Variants in PFKFB1 observed in about 807,000 individuals in gnomAD.
PFKFB1 encodes the protein 6-phosphofructo-2-kinase/fructose-2,6-biphosphatase 1, also known as 6-phosphofructo-2-kinase/fructose-2,6-bisphosphatase 1.
Under a neutral mutation model 46.4 loss-of-function variants are expected in PFKFB1, and 34 were observed. The observed-to-expected ratio is 0.73, with a 90% CI of 0.56 to 0.98. The LOEUF (loss-of-function observed/expected upper bound fraction) is 0.98, where lower values mean the gene tolerates loss of function less well. Among genes scored for constraint, PFKFB1 ranks in the 50% least tolerant of loss-of-function variants. The probability of loss-of-function intolerance (pLI) is 0.00; values close to 1 mark genes in which losing one functional copy is unlikely to be tolerated. For synonymous variants in PFKFB1, 119 were observed against 133.8 expected, an observed-to-expected ratio of 0.89 and a Z score of 0.76; for missense variants, 393 against 376.3, an observed-to-expected ratio of 1.04 and a Z score of -0.37.
At position 54,959,885 on chromosome X, in the gene PFKFB1, G is replaced by C; in HGVS notation, c.326C>G (p.Ala109Gly). ...GTGAACATCCTTCAGGGCTGCCAGG[G>C]CGCACTGCCTGAAATAGACCAGGAA... Reference protein sequence around the residue: ...MEALQIRKQCALAALKDVHNY... With the variant: ...MEALQIRKQCGLAALKDVHNY... Residue 109 changes from alanine (A) to glycine (G), a missense_variant, in exon 4 of 14, where the codon GCC becomes GGC. Ala to Gly is a moderately conservative substitution (Grantham distance 60, BLOSUM62 0). Transcript: ENST00000375006. The C allele has an allele frequency of 8.3e-7, 1 of 1,199,035 alleles. No homozygotes were observed. Among genetic ancestry groups the C allele is most frequent in the Non-Finnish European group, 1.1e-6 (1 of 884,815 alleles).
chrX:54,939,581 T>C (rs1330616462), intron 10 of PFKFB1, among the ~76,000 whole-genome samples: 1 of 111,513 alleles, frequency 9.0e-6, no homozygotes, highest in East Asian at 2.8e-4. Flanking sequence ...ATCCCACAGA[T>C]ACACAAACTA....
rs201704198 is a variant in PFKFB1, at chrX:54,992,057, C to CT, written c.97+1853dup. 9.2e-3 allele frequency among the ~76,000 whole-genome samples: 1,029 copies of CT among 111,560 alleles called. 4 individuals carry two copies. The highest frequency in any genetic ancestry group is 0.031 in the African/African-American group (963 of 30,598). On this transcript the variant is annotated intron_variant, in intron 1 of 13. Coordinates refer to ENST00000375006, the MANE Select transcript of PFKFB1 (RefSeq NM_002625.4). ...ATTGTCCAGACTTGGCAACCACTAT[C>CT]TAAGTTTTTTGCATCTATGGTCTGA... is the stretch of plus-strand genomic sequence containing the variant.
chrX:54,954,831 G>A (rs1934087566), intron 7 of PFKFB1, among the ~76,000 whole-genome samples: 1 of 112,269 alleles, frequency 8.9e-6, no homozygotes, highest in African/African-American at 3.2e-5. Flanking sequence ...AATGTCTGTT[G>A]ATGGAGAAAT....
intron 7 of PFKFB1, among the ~76,000 whole-genome samples, chrX:54,953,112 C>T (rs1934036268): frequency 8.9e-6 from 1 of 112,097 alleles, no homozygotes; most frequent in South Asian, 3.7e-4. Flanking sequence ...CTGAGGCCTA[C>T]GCTGTACCAG....
intron 6 of PFKFB1, among the ~76,000 whole-genome samples, chrX:54,957,833 C>G (rs1482235168): frequency 9.0e-6 from 1 of 111,135 alleles, no homozygotes; most frequent in Non-Finnish European, 1.9e-5. Flanking sequence ...GGTAAATGAC[C>G]TAGTTCTAGA....
rs1245260375 is a variant in PFKFB1 at position 54,994,046 on chromosome X, T to C, written c.-39A>G. 8.5e-7 allele frequency: 1 copy of C among 1,177,735 alleles called. No homozygotes were observed. The highest frequency in any genetic ancestry group is 1.9e-5 in the South Asian group (1 of 52,768). On this transcript the variant is annotated 5_prime_UTR_variant, in exon 1 of 14. Coordinates refer to ENST00000375006, the MANE Select transcript of PFKFB1 (RefSeq NM_002625.4). ...CCGAATGACATCACTGCCCACAAGG[T>C]ACCTGGCCTCACTTCCTATCTTACT...
intron 7 of PFKFB1, among the ~76,000 whole-genome samples, chrX:54,954,990 GCTC>G (rs998394969): frequency 9.0e-6 from 1 of 111,713 alleles, no homozygotes; most frequent in African/African-American, 3.3e-5. Context: ...CGGCCTTCAG[GCTC>G]CTTTCACCAT....
chrX:54,935,900 C>G (rs1933373542), intron 11 of PFKFB1, among the ~76,000 whole-genome samples: 1 of 111,560 alleles, frequency 9.0e-6, no homozygotes, highest in South Asian at 3.8e-4. Flanking sequence ...GGATCACCGA[C>G]CCTCATGGCT....
chrX:54,989,555 G>A (rs1935188975), intron 1 of PFKFB1, among the ~76,000 whole-genome samples: 1 of 111,836 alleles, frequency 8.9e-6, no homozygotes, highest in Non-Finnish European at 1.9e-5. Context: ...GAACATTTGA[G>A]CCAGATTAAC....
intron 12 of PFKFB1, 64 bp from the exon 13 acceptor site, chrX:54,933,949 A>G (rs1044643437): frequency 2.3e-6 from 2 of 876,227 alleles, no homozygotes; most frequent in Non-Finnish European, 3.3e-6. Flanking sequence ...TCCCTGAGGT[A>G]TCACCTCCCC....
Position 54,933,047 on chromosome X carries a change from C to T in PFKFB1, c.*356G>A. On this transcript the variant is annotated 3_prime_UTR_variant, in exon 14 of 14. Transcript: ENST00000375006. ...GGAGGTGCTACTGTAGAACTTTTCC[C>T]TCCAGGAAATCCTCACCCATTCCAT... 5.4e-6 allele frequency: 1 copy of T among 186,812 alleles called. No individual in the cohort carries two copies. 15.4% of individuals were successfully genotyped at this position (186,812 alleles called of 1,213,427 possible).
Position 54,948,446 on chromosome X carries a change from C to T in PFKFB1, c.993+629G>A, listed in dbSNP as rs149935262. Among the ~76,000 whole-genome samples the T allele has an allele frequency of 3.0e-3, 338 of 111,976 alleles. 2 individuals are homozygous for T. The highest frequency in any genetic ancestry group is 0.01 in the African/African-American group (314 of 30,840). ...CAGATTACTCCTACTTGATGTGGACCCCATCAATGACATCTCATTGTTGTT... is the reference window on the plus strand; with the variant it reads ...CAGATTACTCCTACTTGATGTGGACTCCATCAATGACATCTCATTGTTGTT... On this transcript the variant is annotated intron_variant, in intron 9 of 13. Coordinates refer to ENST00000375006, the MANE Select transcript of PFKFB1 (RefSeq NM_002625.4).
chrX:54,997,607 G>A (rs1362204447), upstream of PFKFB1, among the ~76,000 whole-genome samples: 2 of 111,864 alleles, frequency 1.8e-5, no homozygotes, highest in Non-Finnish European at 3.8e-5. Flanking sequence ...GTTTGGGTAT[G>A]AATGCATTTG....
chrX:54,940,105 A>G (rs865928768), intron 10 of PFKFB1, among the ~76,000 whole-genome samples: 100 of 111,977 alleles, frequency 8.9e-4, no homozygotes, highest in African/African-American at 3.1e-3. Flanking sequence ...ATCAATAAAC[A>G]TAATCCAGCA....
intron 1 of PFKFB1, among the ~76,000 whole-genome samples, chrX:54,968,437 A>G (rs1281920019): frequency 1.8e-5 from 2 of 109,611 alleles, no homozygotes; most frequent in African/African-American, 6.6e-5. Flanking sequence ...TAACCTGCAC[A>G]TTGTGCACAT....
At chrX:54,939,419 AC>A (rs759808577) in intron 10 of PFKFB1, among the ~76,000 whole-genome samples, 91 of 112,257 alleles carry the variant, frequency 8.1e-4, no homozygotes, top group African/African-American at 2.8e-3. Flanking sequence ...AGATAGAGAC[AC>A]AAAAAACCCT....
chrX:54,989,954 T>C (rs1935199936), intron 1 of PFKFB1, among the ~76,000 whole-genome samples: 1 of 111,488 alleles, frequency 9.0e-6, no homozygotes, highest in Non-Finnish European at 1.9e-5. Context: ...AGAGTGCCTA[T>C]TTATAAAATG....
intron 4 of PFKFB1, 63 bp from the exon 5 acceptor site, chrX:54,958,988 GCCCAT>G (rs1358820744): frequency 1.4e-6 from 1 of 709,868 alleles, no homozygotes; most frequent in African/African-American, 2.1e-5. Context: ...CCTACTCTTT[GCCCAT>G]CCCTGTGCTA....
chrX:54,993,986 G>A lies in PFKFB1; in HGVS notation c.22C>T (p.Leu8Phe). The A allele has an allele frequency of 8.3e-7, 1 of 1,205,768 alleles. No individual in the cohort carries two copies. Among genetic ancestry groups the A allele is most frequent in the Non-Finnish European group, 1.1e-6 (1 of 892,540 alleles). MSPEMGELTQTRLQKIWI... is the reference protein window; with the variant it reads MSPEMGEFTQTRLQKIWI... ...ATCTTCTGCAACCTGGTTTGGGTGA[G>A]CTCTCCCATCTCTGGAGACATCTTA... Residue 8 changes from leucine to phenylalanine, a missense_variant, in exon 1 of 14, where the codon CTC (leucine) becomes TTC (phenylalanine). By Grantham distance (22) the Leu-to-Phe change is conservative. Coordinates refer to ENST00000375006, the MANE Select transcript of PFKFB1 (RefSeq NM_002625.4).
Sources: allele counts gnomAD v4.1 joint callset (sites outside exome capture counted in the v4.1 genomes callset), GRCh38; gene constraint gnomAD v4.1.1; transcripts MANE v1.5; gene names NCBI Gene and HGNC (gene_info 2026-07-23, HGNC 2026-07-21).